The following TBC1D19 variants were observed in gnomAD, a reference collection of about 807,000 sequenced individuals.
TBC1D19 encodes TBC1 domain family, member 19.
TBC1D19 carries 60 observed loss-of-function variants against 89.0 expected under a neutral mutation model. That is an observed-to-expected ratio of 0.67 (90% CI 0.55 to 0.84). TBC1D19 has a LOEUF of 0.84. Among genes scored for constraint, TBC1D19 ranks in the 40% least tolerant of loss-of-function variants. The probability of loss-of-function intolerance (pLI) is 0.00; values close to 1 mark genes in which losing one functional copy is unlikely to be tolerated. For synonymous variants in TBC1D19, 189 were observed against 199.7 expected (o/e 0.95, Z 0.45); for missense variants, 500 against 610.8 (o/e 0.82, Z 1.91).
At chr4:26,762,622 C>G in the TBC1D19 span, among the ~76,000 whole-genome samples, 1 of 152,140 alleles carries the variant, frequency 6.6e-6, no homozygotes, top group Non-Finnish European at 1.5e-5. Flanking sequence ...GTTCTAATTC[C>G]TGAAAACTGT....
chr4:26,778,894 TA>T, the TBC1D19 span, among the ~76,000 whole-genome samples: 1 of 152,210 alleles, frequency 6.6e-6, no homozygotes, highest in African/African-American at 2.4e-5. Flanking sequence ...GGCATACTGA[TA>T]TCCCTTGGAA....
chr4:26,658,890 G>A (rs1357020006), intron 7 of TBC1D19, among the ~76,000 whole-genome samples: 12 of 152,118 alleles, frequency 7.9e-5, no homozygotes, highest in African/African-American at 2.9e-4. Flanking sequence ...CTGTTTGTCT[G>A]TTATTGGTGT....
intron 4 of TBC1D19, among the ~76,000 whole-genome samples, chr4:26,621,333 C>T (rs1000860874): frequency 3.3e-5 from 5 of 152,194 alleles, no homozygotes; most frequent in Non-Finnish European, 7.3e-5. Context: ...CAGTCCTGTC[C>T]GTAAGCCTTC....
the TBC1D19 span, among the ~76,000 whole-genome samples, chr4:26,800,375 T>C: frequency 6.6e-6 from 1 of 152,238 alleles, no homozygotes; most frequent in Admixed American, 6.5e-5. Flanking sequence ...ATGGTACATA[T>C]GTGCTACATT....
At chr4:26,843,793 A>C in the TBC1D19 span, among the ~76,000 whole-genome samples, 1 of 152,176 alleles carries the variant, frequency 6.6e-6, no homozygotes, top group African/African-American at 2.4e-5. Flanking sequence ...GGGCACCAGC[A>C]CCTGCTCAGC....
intron 4 of TBC1D19, among the ~76,000 whole-genome samples, chr4:26,621,538 T>C (rs904553940): frequency 6.6e-6 from 1 of 152,322 alleles, no homozygotes; most frequent in East Asian, 1.9e-4. Context: ...GTTATCATCA[T>C]GGTTCTTCTG....
chr4:26,799,430 T>A, the TBC1D19 span, among the ~76,000 whole-genome samples: 10,644 of 152,196 alleles, frequency 0.07, 1,086 homozygotes, highest in African/African-American at 0.23. Context: ...AAAGGACAGA[T>A]ACACATATTT....
At chr4:26,633,685 T>C (rs1742942847) in intron 4 of TBC1D19, among the ~76,000 whole-genome samples, 1 of 152,156 alleles carries the variant, frequency 6.6e-6, no homozygotes, top group Non-Finnish European at 1.5e-5. Flanking sequence ...TTGCTTCTCT[T>C]ACTTACTAAT....
chr4:26,646,699 C>T (rs1026924846), intron 7 of TBC1D19, among the ~76,000 whole-genome samples: 1 of 152,094 alleles, frequency 6.6e-6, no homozygotes, highest in Non-Finnish European at 1.5e-5. Context: ...ATCGCAAGAA[C>T]AGAAAACCAA....
At chr4:26,847,444 C>G in the TBC1D19 span, among the ~76,000 whole-genome samples, 6 of 151,986 alleles carry the variant, frequency 3.9e-5, no homozygotes, top group Non-Finnish European at 8.8e-5. Context: ...AGTATCTGTT[C>G]AAAGAACGTT....
chr4:26,673,444 T>TACAC (rs149722432), intron 10 of TBC1D19, among the ~76,000 whole-genome samples: 31,030 of 77,234 alleles, frequency 0.4, 4,892 homozygotes, highest in Non-Finnish European at 0.52. Context: ...TATATATATA[T>TACAC]ATACACACAC....
At chr4:26,661,072 G>C (rs1745194116) in intron 8 of TBC1D19, among the ~76,000 whole-genome samples, 1 of 152,136 alleles carries the variant, frequency 6.6e-6, no homozygotes, top group Non-Finnish European at 1.5e-5. Context: ...AATGTAGATT[G>C]TGTGAAAGTC....
rs1022274141 is a variant in TBC1D19 at position 26,604,608 on chromosome 4, C to T, written c.100-8561C>T. On this transcript the variant is annotated intron_variant, in intron 1 of 20. Coordinates refer to ENST00000264866, the MANE Select transcript of TBC1D19 (RefSeq NM_018317.4). ...ACTATGGGCCGGGCATGGTGGCTCACGCCTGTAATCCCAGCACTTTACTTT... is the reference window on the plus strand; with the variant it reads ...ACTATGGGCCGGGCATGGTGGCTCATGCCTGTAATCCCAGCACTTTACTTT... Among the ~76,000 whole-genome samples, 3 of 149,248 alleles carry T rather than the reference C, an allele frequency of 2.0e-5. No individual in the cohort carries two copies. The Admixed American group carries it at 2.0e-4, about 10-fold the overall frequency.
chr4:26,750,387 C>G (rs1402209925), intron 19 of TBC1D19, among the ~76,000 whole-genome samples: 1 of 152,092 alleles, frequency 6.6e-6, no homozygotes, highest in African/African-American at 2.4e-5. Flanking sequence ...AAAATATTTT[C>G]TAATAATTAG....
At chr4:26,689,627 A>G (rs1009905295) in intron 13 of TBC1D19, among the ~76,000 whole-genome samples, 8 of 152,146 alleles carry the variant, frequency 5.3e-5, no homozygotes, top group African/African-American at 1.4e-4. Context: ...CTTTATTATT[A>G]TATCTGATTT....
chr4:26,705,832 A>G (rs1265406130), intron 13 of TBC1D19, among the ~76,000 whole-genome samples: 1 of 152,142 alleles, frequency 6.6e-6, no homozygotes, highest in Non-Finnish European at 1.5e-5. Flanking sequence ...CTGGCCTCAC[A>G]GAATGAATTA....
chr4:26,708,034 CTT>C (rs1345236516), intron 13 of TBC1D19, among the ~76,000 whole-genome samples: 2 of 151,882 alleles, frequency 1.3e-5, no homozygotes, highest in African/African-American at 4.8e-5. Flanking sequence ...AGTTACAAAC[CTT>C]TGTTACAATA....
intron 1 of TBC1D19, among the ~76,000 whole-genome samples, chr4:26,610,583 C>T (rs993857889): frequency 1.3e-5 from 2 of 151,852 alleles, no homozygotes; most frequent in African/African-American, 2.4e-5. Context: ...ATAGGTAGTT[C>T]CATTCCTCAT....
At chr4:26,658,992 G>A (rs984014910) in intron 7 of TBC1D19, among the ~76,000 whole-genome samples, 3 of 152,072 alleles carry the variant, frequency 2.0e-5, no homozygotes, top group Non-Finnish European at 4.4e-5. Flanking sequence ...GGGCTGAGAC[G>A]GTGGGGTTTT....
Sources: allele counts gnomAD v4.1 joint callset (sites outside exome capture counted in the v4.1 genomes callset), GRCh38; gene constraint gnomAD v4.1.1; transcripts MANE v1.5; gene names NCBI Gene and HGNC (gene_info 2026-07-23, HGNC 2026-07-21).